CADM1: variants seen among roughly 807,000 people sequenced by gnomAD.
The protein encoded by CADM1 is cell adhesion molecule 1.
A neutral mutation model predicts 53.1 loss-of-function variants in CADM1; 15 were observed. That is an observed-to-expected ratio of 0.28 (90% CI 0.19 to 0.44). The LOEUF (loss-of-function observed/expected upper bound fraction) is 0.44, where lower values mean the gene tolerates loss of function less well. CADM1 is among the 20% of genes least tolerant of loss of function. The pLI is 1.00. For missense variants in CADM1, 434 were observed against 611.3 expected (o/e 0.71, Z 3.06); for synonymous variants, 281 against 243.0 (o/e 1.16, Z -1.45).
At chr11:115,366,742 T>C (rs1307370389) in intron 1 of CADM1, among the ~76,000 whole-genome samples, 1 of 151,860 alleles carries the variant, frequency 6.6e-6, no homozygotes, top group South Asian at 2.1e-4. Context: ...AGATGTCAAA[T>C]GAGGAGTAAC....
intron 1 of CADM1, among the ~76,000 whole-genome samples, chr11:115,480,639 T>C (rs904536803): frequency 8.5e-5 from 13 of 152,168 alleles, no homozygotes; most frequent in African/African-American, 2.9e-4. Flanking sequence ...ACAAGGGGCC[T>C]TGGGTCACTG....
chr11:115,214,519 C>T lies in CADM1; in HGVS notation c.994+89G>A. On this transcript the variant is annotated intron_variant, in intron 7 of 11. Coordinates refer to ENST00000331581, the MANE Select transcript of CADM1 (RefSeq NM_001301043.2). The stretch of plus-strand genomic sequence containing the variant: ...AGGAAACCAACTGGTTTTTGATTTT[C>T]AACTTGACCAAAAGCTTTGAGAGTA... 2.2e-6 allele frequency: 3 copies of T among 1,370,290 alleles called. No homozygotes were observed. In the Admixed American group the frequency reaches 5.3e-5, roughly 24 times the overall value. The allele number at this position is 1,370,290 out of a possible 1,614,324, so 84.9% of individuals were successfully genotyped here. A position where few individuals can be genotyped will look rare whatever the true frequency, so the allele number is the denominator to read the frequency against.
At chr11:115,368,072 C>T (rs1258294525) in intron 1 of CADM1, among the ~76,000 whole-genome samples, 7 of 143,636 alleles carry the variant, frequency 4.9e-5, no homozygotes, top group Admixed American at 4.1e-4. Flanking sequence ...TCATTAAAAA[C>T]TCCCCAGGCA....
At chr11:115,341,310 T>G (rs572840190) in intron 1 of CADM1, among the ~76,000 whole-genome samples, 19 of 152,246 alleles carry the variant, frequency 1.2e-4, no homozygotes, top group African/African-American at 4.3e-4. Flanking sequence ...TTAGGTGGCC[T>G]CCTCATGAGC....
intron 1 of CADM1, among the ~76,000 whole-genome samples, chr11:115,501,942 G>A (rs962019429): frequency 6.6e-6 from 1 of 152,090 alleles, no homozygotes; most frequent in African/African-American, 2.4e-5. Flanking sequence ...AATTAAGAAA[G>A]TCATCTCATC....
intron 5 of CADM1, among the ~76,000 whole-genome samples, chr11:115,218,502 C>T (rs1208803458): frequency 6.6e-6 from 1 of 152,140 alleles, no homozygotes; most frequent in Non-Finnish European, 1.5e-5. Context: ...TTTGGAAGCC[C>T]TCCCAGTGAA....
rs1942188019 is a variant in CADM1, at chr11:115,240,428, A to G, written c.125-8T>C. 1 of 1,613,500 alleles carries G rather than the reference A, an allele frequency of 6.2e-7. No individual in the cohort carries two copies. Among genetic ancestry groups the G allele is most frequent in the South Asian group, 1.1e-5 (1 of 91,058 alleles). ...ACAGATTCTGCCCATCACCTTAAAAAAAGGGAAGAAAAGGTCAGAGGAAAA... is the reference window on the plus strand; with the variant it reads ...ACAGATTCTGCCCATCACCTTAAAAGAAGGGAAGAAAAGGTCAGAGGAAAA... On this transcript the variant is annotated splice_region_variant and splice_polypyrimidine_tract_variant and intron_variant, in intron 1 of 11. Coordinates refer to ENST00000331581, the MANE Select transcript of CADM1 (RefSeq NM_001301043.2).
intron 1 of CADM1, among the ~76,000 whole-genome samples, chr11:115,272,403 T>G (rs1405180724): frequency 6.6e-6 from 1 of 152,124 alleles, no homozygotes; most frequent in Admixed American, 6.5e-5. Context: ...TATTCAGGTG[T>G]ATATAAAAAC....
At chr11:115,436,982 C>T (rs886266817) in intron 1 of CADM1, among the ~76,000 whole-genome samples, 1 of 152,118 alleles carries the variant, frequency 6.6e-6, no homozygotes, top group Non-Finnish European at 1.5e-5. Flanking sequence ...AAAGCATTGG[C>T]AATACAGATA....
Position 115,173,653 on chromosome 11 carries a change from TAAG to T in CADM1, c.*2818_*2820del, listed in dbSNP as rs1305071142. On this transcript the variant is annotated 3_prime_UTR_variant, in exon 12 of 12. Transcript: ENST00000331581. ...CTTTGTAACATTAATTTTTTTTTATTAAGAAGACAGATATTTTATAGTACTTCT... is the reference window on the plus strand; with the variant it reads ...CTTTGTAACATTAATTTTTTTTTATTAAGACAGATATTTTATAGTACTTCT... 7.5e-6 allele frequency: 3 copies of T among 399,990 alleles called. No individual in the cohort carries two copies. The highest frequency in any genetic ancestry group is 2.1e-4 in the South Asian group (2 of 9,548). 24.8% of individuals were successfully genotyped at this position (399,990 alleles called of 1,614,324 possible).
chr11:115,444,525 A>T (rs1948404523), intron 1 of CADM1, among the ~76,000 whole-genome samples: 1 of 152,174 alleles, frequency 6.6e-6, no homozygotes, highest in Admixed American at 6.5e-5. Context: ...TCTTTTTCCG[A>T]ACAGTGAAAA....
intron 1 of CADM1, among the ~76,000 whole-genome samples, chr11:115,443,730 T>C (rs1200986604): frequency 6.6e-6 from 1 of 152,210 alleles, no homozygotes; most frequent in Non-Finnish European, 1.5e-5. Context: ...ATACCCAGTA[T>C]GTGCCAAGCA....
At chr11:115,352,446 T>C (rs1419300922) in intron 1 of CADM1, among the ~76,000 whole-genome samples, 1 of 152,118 alleles carries the variant, frequency 6.6e-6, no homozygotes, top group Admixed American at 6.6e-5. Flanking sequence ...CTCTAACACA[T>C]CTAAACTGAT....
chr11:115,235,228 G>T (rs1365806956), intron 3 of CADM1, among the ~76,000 whole-genome samples: 1 of 149,876 alleles, frequency 6.7e-6, no homozygotes. Flanking sequence ...ATTTAAATCT[G>T]CTTTTCTGAA....
intron 1 of CADM1, among the ~76,000 whole-genome samples, chr11:115,248,975 A>G (rs1199329658): frequency 6.6e-6 from 1 of 152,232 alleles, no homozygotes; most frequent in African/African-American, 2.4e-5. Flanking sequence ...ACAAACGTGG[A>G]CTTTGGAGAA....
intron 1 of CADM1, among the ~76,000 whole-genome samples, chr11:115,455,922 A>G (rs1413912291): frequency 6.6e-6 from 1 of 152,222 alleles, no homozygotes; most frequent in Non-Finnish European, 1.5e-5. Context: ...CAGGGTTCAA[A>G]TAAGTTCCCT....
chr11:115,442,803 T>C (rs1232023753), intron 1 of CADM1, among the ~76,000 whole-genome samples: 2 of 152,216 alleles, frequency 1.3e-5, no homozygotes, highest in African/African-American at 4.8e-5. Context: ...ACTACAGTCA[T>C]TAATAAGGAT....
chr11:115,363,703 T>C (rs555029745), intron 1 of CADM1: 1 of 152,304 alleles, frequency 6.6e-6, no homozygotes, highest in Non-Finnish European at 1.5e-5. Flanking sequence ...AAAGGTAAGA[T>C]TCTTGGACTA....
intron 1 of CADM1, among the ~76,000 whole-genome samples, chr11:115,280,765 G>A (rs17519855): frequency 1.4e-3 from 216 of 152,312 alleles, no homozygotes; most frequent in Non-Finnish European, 2.3e-3. Context: ...GACCAGGCTG[G>A]CAGACAGGAG....
Sources: allele counts gnomAD v4.1 joint callset (sites outside exome capture counted in the v4.1 genomes callset), GRCh38; gene constraint gnomAD v4.1.1; transcripts MANE v1.5; gene names NCBI Gene and HGNC (gene_info 2026-07-23, HGNC 2026-07-21).